Variants in ANO3 observed in about 807,000 individuals in gnomAD.
The protein encoded by ANO3 is anoctamin 3.
A neutral mutation model predicts 144.8 loss-of-function variants in ANO3; 99 were observed. That is an observed-to-expected ratio of 0.68 (90% CI 0.58 to 0.81). The LOEUF (loss-of-function observed/expected upper bound fraction) is 0.81. Among genes scored for constraint, ANO3 ranks in the 30% least tolerant of loss-of-function variants. The probability of loss-of-function intolerance (pLI) is 0.00; values close to 1 mark genes in which losing one functional copy is unlikely to be tolerated. For synonymous variants in ANO3, 414 were observed against 392.6 expected (o/e 1.05, Z -0.64); for missense variants, 905 against 1,202.2 (o/e 0.75, Z 3.66).
At chr11:26,488,177 C>A (rs1245474937) in intron 4 of ANO3, among the ~76,000 whole-genome samples, 1 of 152,024 alleles carries the variant, frequency 6.6e-6, no homozygotes, top group Non-Finnish European at 1.5e-5. Flanking sequence ...AAAAACAAAA[C>A]AAAATAAAAC....
intron 1 of ANO3, among the ~76,000 whole-genome samples, chr11:26,258,560 C>A (rs998207523): frequency 6.6e-6 from 1 of 152,164 alleles, no homozygotes; most frequent in Non-Finnish European, 1.5e-5. Context: ...GAATTAATTA[C>A]TGTCACAACT....
chr11:26,573,111 A>T (rs1336060209), intron 14 of ANO3, among the ~76,000 whole-genome samples: 1 of 152,142 alleles, frequency 6.6e-6, no homozygotes, highest in African/African-American at 2.4e-5. Flanking sequence ...TGAGGTTCAT[A>T]CTTGGTTTCT....
chr11:26,554,629 G>A (rs1850031689), intron 13 of ANO3, among the ~76,000 whole-genome samples: 1 of 152,098 alleles, frequency 6.6e-6, no homozygotes, highest in Non-Finnish European at 1.5e-5. Context: ...CAATTCTAAT[G>A]CTCTTTCTGT....
chr11:26,228,240 C>T (rs1852297260), intron 1 of ANO3, among the ~76,000 whole-genome samples: 1 of 152,208 alleles, frequency 6.6e-6, no homozygotes, highest in Admixed American at 6.5e-5. Flanking sequence ...GCTTCTACGA[C>T]CCACATAATT....
intron 1 of ANO3, among the ~76,000 whole-genome samples, chr11:26,396,310 G>A (rs532929160): frequency 1.2e-3 from 183 of 152,254 alleles, no homozygotes; most frequent in African/African-American, 4.1e-3. Flanking sequence ...AGGGGATGTG[G>A]AGAAATAGGA....
Position 26,386,502 on chromosome 11 carries a change from T to C in ANO3, c.46+54181T>C, listed in dbSNP as rs190883341. 6.9e-3 allele frequency among the ~76,000 whole-genome samples: 1,049 copies of C among 152,304 alleles called. 12 individuals carry two copies. The highest frequency in any genetic ancestry group is 0.024 in the African/African-American group (993 of 41,572). On this transcript the variant is annotated intron_variant, in intron 1 of 26. Transcript: ENST00000256737. ...AGTCAATTACCAAATGAAAAGATGG[T>C]GGTTTGTGATAAAACATTTCAGATA...
chr11:26,661,334 A>T lies in ANO3; in HGVS notation c.*890A>T, dbSNP rs565397652. On this transcript the variant is annotated 3_prime_UTR_variant, in exon 27 of 27. Coordinates refer to ENST00000256737, the MANE Select transcript of ANO3 (RefSeq NM_031418.4). The stretch of plus-strand genomic sequence containing the variant: ...TTTATTACAACTCTCACGGAATATT[A>T]ACTTGAAATGCTGTAAATACGTTGG... 2 of 152,576 alleles carry T rather than the reference A, an allele frequency of 1.3e-5. No individual in the cohort carries two copies. The highest frequency in any genetic ancestry group is 3.9e-4 in the East Asian group (2 of 5,192). The allele number at this position is 152,576 out of a possible 1,614,324, so 9.5% of individuals were successfully genotyped here.
At chr11:26,459,060 C>T (rs1323020511) in intron 3 of ANO3, among the ~76,000 whole-genome samples, 7 of 152,082 alleles carry the variant, frequency 4.6e-5, no homozygotes, top group Admixed American at 4.6e-4. Context: ...AGATATTGAG[C>T]ATTATCTGCA....
chr11:26,624,427 G>C (rs930373314), intron 17 of ANO3, 35 bp from the exon 18 acceptor site: 3 of 1,505,522 alleles, frequency 2.0e-6, no homozygotes, highest in Non-Finnish European at 2.8e-6. Flanking sequence ...CAAAAGAGAG[G>C]AATAATGTTC....
chr11:26,530,900 A>C lies in ANO3; in HGVS notation c.738-305A>C, dbSNP rs7932847. Among the ~76,000 whole-genome samples, 83,954 of 151,746 alleles carry C rather than the reference A, an allele frequency of 0.55. 24,080 individuals are homozygous for C. The highest frequency in any genetic ancestry group is 0.79 in the East Asian group (4,100 of 5,164). ...AAACAAAAACAAAAACAAAAACAAA[A>C]AATCTCTTTCCTACCACCATCTTTA... On this transcript the variant is annotated intron_variant, in intron 7 of 26. Transcript: ENST00000256737.
chr11:26,302,859 CA>C (rs1854269264), intron 1 of ANO3, among the ~76,000 whole-genome samples: 1 of 151,754 alleles, frequency 6.6e-6, no homozygotes, highest in Non-Finnish European at 1.5e-5. Flanking sequence ...AACCAACAAG[CA>C]AAAAACAAAT....
chr11:26,615,414 A>ATATATTTT (rs1352935016), intron 17 of ANO3, among the ~76,000 whole-genome samples: 1 of 130,700 alleles, frequency 7.7e-6, no homozygotes, highest in Non-Finnish European at 1.6e-5. Flanking sequence ...ATATATATAT[A>ATATATTTT]TTTTTTTTTT....
intron 1 of ANO3, among the ~76,000 whole-genome samples, chr11:26,301,772 T>C (rs1854238680): frequency 6.6e-6 from 1 of 152,212 alleles, no homozygotes; most frequent in Non-Finnish European, 1.5e-5. Context: ...TCCATCCCTA[T>C]TGTTACAAAA....
chr11:26,610,356 T>G (rs1852062888), intron 17 of ANO3, among the ~76,000 whole-genome samples: 1 of 152,020 alleles, frequency 6.6e-6, no homozygotes, highest in African/African-American at 2.4e-5. Flanking sequence ...CAATGTCTTT[T>G]TTTTTGAGAA....
intron 3 of ANO3, among the ~76,000 whole-genome samples, chr11:26,448,973 G>A (rs1465517930): frequency 6.6e-6 from 1 of 152,148 alleles, no homozygotes; most frequent in African/African-American, 2.4e-5. Context: ...CTCACAGAAA[G>A]CTTTAATAAA....
chr11:26,371,988 T>C (rs932391407), intron 1 of ANO3, among the ~76,000 whole-genome samples: 3 of 152,322 alleles, frequency 2.0e-5, no homozygotes, highest in East Asian at 3.9e-4. Flanking sequence ...GAGGGCATTA[T>C]TGTGTTTTGA....
At chr11:26,377,655 T>C (rs1856453618) in intron 1 of ANO3, among the ~76,000 whole-genome samples, 1 of 152,090 alleles carries the variant, frequency 6.6e-6, no homozygotes, top group Non-Finnish European at 1.5e-5. Flanking sequence ...TTGAAAGACA[T>C]AAATCTTCAA....
intron 4 of ANO3, among the ~76,000 whole-genome samples, chr11:26,478,660 T>C (rs1323589632): frequency 6.6e-6 from 1 of 152,130 alleles, no homozygotes; most frequent in East Asian, 1.9e-4. Flanking sequence ...CAGGAAGTCA[T>C]CAGGCTCGGG....
At chr11:26,636,952 A>G (rs1049607562) in intron 20 of ANO3, among the ~76,000 whole-genome samples, 2 of 152,224 alleles carry the variant, frequency 1.3e-5, no homozygotes, top group African/African-American at 4.8e-5. Context: ...GAGTAAGAGA[A>G]AAATACACTA....
Sources: gnomAD v4.1 joint callset for allele counts (sites outside exome capture counted in the v4.1 genomes callset) on GRCh38, gnomAD v4.1.1 for gene constraint, MANE v1.5 for transcripts, NCBI Gene and HGNC (gene_info 2026-07-23, HGNC 2026-07-21) for gene names.